DNAH11: variants seen among roughly 807,000 people sequenced by gnomAD.
DNAH11 encodes the protein dynein axonemal heavy chain 11, also known as axonemal beta dynein heavy chain 11.
DNAH11 carries 442 observed loss-of-function variants against 526.0 expected under a neutral mutation model. The observed-to-expected ratio is 0.84, with a 90% confidence interval of 0.78 to 0.91. DNAH11 has a LOEUF of 0.91. Ranked by LOEUF, DNAH11 falls within the 40% of genes least tolerant of loss-of-function variation. The pLI is 0.00. For missense variants in DNAH11, 6,989 were observed against 5,448.7 expected (o/e 1.28, Z -8.90); for synonymous variants, 2,461 against 1,935.9 (o/e 1.27, Z -7.12).
At chr7:21,789,691 G>A (rs1385027014) in intron 61 of DNAH11, among the ~76,000 whole-genome samples, 1 of 151,992 alleles carries the variant, frequency 6.6e-6, no homozygotes, top group Admixed American at 6.5e-5. Context: ...TCCCGTACAA[G>A]GTAGTTAACC....
intron 18 of DNAH11, among the ~76,000 whole-genome samples, chr7:21,601,827 C>T (rs1047606332): frequency 3.3e-5 from 5 of 152,000 alleles, no homozygotes; most frequent in Admixed American, 1.3e-4. Context: ...CCAACACTCT[C>T]GGTGTGTTTT....
chr7:21,771,711 T>C (rs1254351043), intron 55 of DNAH11, among the ~76,000 whole-genome samples: 1 of 152,148 alleles, frequency 6.6e-6, no homozygotes, highest in Non-Finnish European at 1.5e-5. Context: ...GGTTATCAAC[T>C]GGTTTTTATT....
At chr7:21,812,022 A>G (rs1429060049) in intron 63 of DNAH11, among the ~76,000 whole-genome samples, 3 of 152,108 alleles carry the variant, frequency 2.0e-5, no homozygotes, top group African/African-American at 4.8e-5. Flanking sequence ...GTGTTGTATA[A>G]TCTTCCCGGG....
chr7:21,687,341 C>T (rs780828361), intron 33 of DNAH11, 41 bp from the exon 34 acceptor site: 3 of 1,582,212 alleles, frequency 1.9e-6, no homozygotes, highest in African/African-American at 2.7e-5. Flanking sequence ...AGCGTAAAAA[C>T]CCCTTCTGTT....
In DNAH11 at chr7:21,748,683, C is replaced by T. The variant is rs760273596; in HGVS notation, c.8614C>T (p.Arg2872Cys). 4 of 1,613,642 alleles carry T rather than the reference C, an allele frequency of 2.5e-6. No individual in the cohort carries two copies. The highest frequency in any genetic ancestry group is 2.2e-5 in the South Asian group (2 of 91,030). The change falls in exon 52 of 82, where the codon CGT (arginine) becomes TGT (cysteine). Residue 2872 changes from arginine (R) to cysteine (C), a missense_variant. Physicochemically the swap from Arg to Cys is radical, Grantham distance 180. Transcript: ENST00000409508. ...QSLSRLAAYL[R>C]GLEVFQITLT... Reference sequence around the variant, plus strand: ...CTTGTCCAGGCTGGCAGCTTACCTTCGTGGCCTTGAGGTCTTTCAGATCAC... The same window carrying T: ...CTTGTCCAGGCTGGCAGCTTACCTTTGTGGCCTTGAGGTCTTTCAGATCAC...
intron 61 of DNAH11, among the ~76,000 whole-genome samples, chr7:21,797,508 C>T (rs765133725): frequency 3.8e-4 from 57 of 148,764 alleles, no homozygotes; most frequent in Admixed American, 4.6e-4. Flanking sequence ...CTTGAGCCAC[C>T]ACACCCAGCC....
rs1222362769 is a variant in DNAH11, at chr7:21,638,470, T to C, written c.4818-469T>C. 2.0e-5 allele frequency among the ~76,000 whole-genome samples: 3 copies of C among 152,184 alleles called. No homozygotes were observed. The East Asian group carries it at 5.8e-4, about 29-fold the overall frequency. On this transcript the variant is annotated intron_variant, in intron 27 of 81. Coordinates refer to ENST00000409508, the MANE Select transcript of DNAH11 (RefSeq NM_001277115.2). ...AAAGTGGAACCAATTCTGGATCTTA[T>C]GACTCCTCTGAATACCTGACAGGAG...
intron 1 of DNAH11, among the ~76,000 whole-genome samples, chr7:21,544,451 G>C (rs1414043856): frequency 6.6e-6 from 1 of 152,080 alleles, no homozygotes; most frequent in Admixed American, 6.6e-5. Flanking sequence ...AAAAAAATAA[G>C]TTTGTCAGTA....
intron 62 of DNAH11, among the ~76,000 whole-genome samples, chr7:21,806,954 C>G (rs908693514): frequency 3.3e-5 from 5 of 152,158 alleles, no homozygotes; most frequent in Admixed American, 3.3e-4. Context: ...GCTTCCTCCA[C>G]TGATTTAATG....
At chr7:21,718,034 A>C in intron 43 of DNAH11, 109 bp downstream of exon 43, 1 of 1,448,780 alleles carries the variant, frequency 6.9e-7, no homozygotes, top group Non-Finnish European at 9.3e-7. Flanking sequence ...AGATTTCTGG[A>C]ATTGTTAGAT....
rs548456100 is a variant in DNAH11, at chr7:21,558,045, T to A, written c.496-757T>A. ...AGAAGATTGTATTGTCAAACTAAACTCTAAAAAGGTAGAATAAACATTTTC... is the reference window on the plus strand; with the variant it reads ...AGAAGATTGTATTGTCAAACTAAACACTAAAAAGGTAGAATAAACATTTTC... On this transcript the variant is annotated intron_variant, in intron 2 of 81. Coordinates refer to ENST00000409508, the MANE Select transcript of DNAH11 (RefSeq NM_001277115.2). 3.9e-4 allele frequency among the ~76,000 whole-genome samples: 60 copies of A among 152,298 alleles called. 1 individual carries two copies. The South Asian group carries it at 0.012, about 30-fold the overall frequency.
chr7:21,825,606 T>C (rs73073738), intron 65 of DNAH11, among the ~76,000 whole-genome samples: 1 of 150,744 alleles, frequency 6.6e-6, no homozygotes, highest in Non-Finnish European at 1.5e-5. Context: ...TGACGAACTA[T>C]TCCTGCCTCC....
At chr7:21,812,575 G>A (rs59242392) in intron 63 of DNAH11, among the ~76,000 whole-genome samples, 22,851 of 151,972 alleles carry the variant, frequency 0.15, 1,747 homozygotes, top group African/African-American at 0.18. Flanking sequence ...GATCACTTGA[G>A]CTCAGGAGTT....
At chr7:21,563,251 C>G (rs1783537530) in intron 5 of DNAH11, among the ~76,000 whole-genome samples, 1 of 151,824 alleles carries the variant, frequency 6.6e-6, no homozygotes, top group African/African-American at 2.4e-5. Context: ...CTCTGTTGCC[C>G]AGGCTGGAGT....
At chr7:21,602,520 A>C (rs983726078) in intron 18 of DNAH11, among the ~76,000 whole-genome samples, 3 of 151,932 alleles carry the variant, frequency 2.0e-5, no homozygotes, top group African/African-American at 7.3e-5. Flanking sequence ...CTCACAATTT[A>C]GATTCTTTTT....
At position 21,735,749 on chromosome 7, in the gene DNAH11, C is replaced by T; in HGVS notation, c.7550C>T (p.Thr2517Ile). 6.2e-7 allele frequency: 1 copy of T among 1,613,956 alleles called. No individual in the cohort carries two copies. The highest frequency in any genetic ancestry group is 8.5e-7 in the Non-Finnish European group (1 of 1,179,880). ...GTAGGAAATGCAGGAGTGGGAAAAA[C>T]AGTCTTTGTAGGTGACACATTGGCA... ...MLVGNAGVGK[T>I]VFVGDTLASL... The change falls in exon 46 of 82, where the codon ACA becomes ATA. Residue 2517 changes from threonine (T) to isoleucine (I), a missense_variant. Physicochemically the swap from Thr to Ile is moderately conservative, Grantham distance 89. Transcript: ENST00000409508.
intron 54 of DNAH11, among the ~76,000 whole-genome samples, chr7:21,761,437 G>A (rs1425198983): frequency 6.6e-5 from 10 of 152,282 alleles, no homozygotes. Context: ...TCTGTGTGTA[G>A]AGACCTAGAT....
intron 8 of DNAH11, among the ~76,000 whole-genome samples, chr7:21,579,528 G>A (rs1784231048): frequency 1.3e-5 from 2 of 152,140 alleles, no homozygotes; most frequent in African/African-American, 4.8e-5. Flanking sequence ...AACATAAATA[G>A]AAATGAAGCA....
intron 56 of DNAH11, 36 bp downstream of exon 56, chr7:21,774,035 A>G (rs1336916476): frequency 6.8e-7 from 1 of 1,460,328 alleles, no homozygotes. Context: ...AGTAATATTT[A>G]TGCTGTTTAA....
Sources: allele counts gnomAD v4.1 joint callset (sites outside exome capture counted in the v4.1 genomes callset), GRCh38; gene constraint gnomAD v4.1.1; transcripts MANE v1.5; gene names NCBI Gene and HGNC (gene_info 2026-07-23, HGNC 2026-07-21).